The following CCL23 variants were observed in gnomAD, a reference collection of about 807,000 sequenced individuals.
CCL23 encodes the protein C-C motif chemokine ligand 23.
Under a neutral mutation model 11.8 loss-of-function variants are expected in CCL23, and 10 were observed. That is an observed-to-expected ratio of 0.84 (90% confidence interval 0.52 to 1.43). The LOEUF is 1.43. Ranked by LOEUF, CCL23 falls within the 40% of genes most tolerant of loss-of-function variation. CCL23 has a pLI of 0.00. For missense variants in CCL23, 181 were observed against 170.9 expected, an observed-to-expected ratio of 1.06 and a Z score of -0.33; for synonymous variants, 60 against 61.0, an observed-to-expected ratio of 0.98 and a Z score of 0.07.
chr17:36,013,378 C>G (rs2090072265), intron 3 of CCL23, 70 bp from the exon 4 acceptor site: 1 of 881,630 alleles, frequency 1.1e-6, no homozygotes, highest in Non-Finnish European at 1.8e-6. Flanking sequence ...GGGCCCCATT[C>G]TCCCTGCCCC....
At chr17:36,015,438 C>T (rs1254277541) in intron 1 of CCL23, among the ~76,000 whole-genome samples, 3 of 152,060 alleles carry the variant, frequency 2.0e-5, no homozygotes, top group East Asian at 3.8e-4. Flanking sequence ...TTTTGGCTAC[C>T]GTCATCAATA....
intron 1 of CCL23, among the ~76,000 whole-genome samples, chr17:36,015,738 A>G (rs1166124524): frequency 6.6e-6 from 1 of 152,202 alleles, no homozygotes; most frequent in Admixed American, 6.5e-5. Context: ...CACAGAATAA[A>G]GCTAGCCTTA....
At chr17:36,013,655 C>T (rs1281475916) in intron 3 of CCL23, 89 bp downstream of exon 3, 24 of 1,311,196 alleles carry the variant, frequency 1.8e-5, no homozygotes, top group East Asian at 2.3e-5. Context: ...GAGGGTGGGC[C>T]CTGATGGACA....
chr17:36,015,771 T>C (rs143465285), intron 1 of CCL23, among the ~76,000 whole-genome samples: 4,154 of 152,282 alleles, frequency 0.027, 179 homozygotes, highest in African/African-American at 0.092. Context: ...GTGCGGTGGC[T>C]CACGCCTGTA....
At chr17:36,016,093 CTA>C (rs2090095948) in intron 1 of CCL23, among the ~76,000 whole-genome samples, 1 of 150,436 alleles carries the variant, frequency 6.6e-6, no homozygotes, top group Non-Finnish European at 1.5e-5. Flanking sequence ...AATTTAATAA[CTA>C]TTAAATATAT....
chr17:36,014,358 A>G lies in CCL23; in HGVS notation c.112T>C (p.Leu38=), dbSNP rs61737011. The change falls in exon 2 of 4, where the codon TTG becomes CTG. Residue 38 remains leucine, a synonymous_variant. Transcript: ENST00000615050. ...ETEFMMSKLP[L]ENPVLLDMLW... The stretch of plus-strand genomic sequence containing the variant: ...CTGTCCAGAAGTACTGGATTTTCCA[A>G]TGGAAGCTTTGACATCATGAACTCT... 40,925 of 1,613,288 alleles carry G rather than the reference A, an allele frequency of 0.025. 638 individuals carry two copies. Among genetic ancestry groups the G allele is most frequent in the Non-Finnish European group, 0.028 (32,747 of 1,179,190 alleles).
chr17:36,017,035 A>G (rs2090102946), intron 1 of CCL23, among the ~76,000 whole-genome samples: 1 of 151,944 alleles, frequency 6.6e-6, no homozygotes, highest in Non-Finnish European at 1.5e-5. Context: ...GGGTAAGGTA[A>G]AAAAAAGATC....
Position 36,013,814 on chromosome 17 carries a change from G to A in CCL23, c.232C>T (p.Arg78Ter), listed in dbSNP as rs386352289. 1.7e-5 allele frequency: 28 copies of A among 1,614,072 alleles called. No individual in the cohort carries two copies. Among genetic ancestry groups the A allele is most frequent in the Non-Finnish European group, 2.2e-5 (26 of 1,180,018 alleles). Residue 78 changes from arginine (R) to a stop codon, truncating the protein, a stop_gained, in exon 3 of 4, where the codon CGA becomes TGA. Transcript: ENST00000615050. LOFTEE classifies it high-confidence loss of function. Reference sequence around the variant, plus strand: ...TCCAGGAGTGAACACGGGATGCTTCGTGGGGTGTAGGAGATGCAGCAGTCA... The same window carrying A: ...TCCAGGAGTGAACACGGGATGCTTCATGGGGTGTAGGAGATGCAGCAGTCA... ...SADCCISYTPRSIPCSLLESY... is the reference protein window; with the variant it reads ...SADCCISYTP
chr17:36,013,167 G>A lies in CCL23; in HGVS notation c.*30C>T. On this transcript the variant is annotated 3_prime_UTR_variant, in exon 4 of 4. Coordinates refer to ENST00000615050, the MANE Select transcript of CCL23 (RefSeq NM_005064.6). Reference sequence around the variant, plus strand: ...AGTTGAGGCAAGAAAGTTGGTGGCTGGCAACTTGTGTCCCTTCACCTTGAC... The same window carrying A: ...AGTTGAGGCAAGAAAGTTGGTGGCTAGCAACTTGTGTCCCTTCACCTTGAC... The A allele has an allele frequency of 7.3e-7, 1 of 1,365,260 alleles. No homozygotes were observed. Among genetic ancestry groups the A allele is most frequent in the Non-Finnish European group, 1.0e-6 (1 of 953,334 alleles). 84.6% of individuals were successfully genotyped at this position (1,365,260 alleles called of 1,614,324 possible).
At position 36,014,336 on chromosome 17, in the gene CCL23, T is replaced by C. The variant is rs748761477; in HGVS notation, c.134A>G (p.Asp45Gly). Reference sequence around the variant, plus strand: ...ATATGCCGTATCTGATCACTTACTGTCCAGAAGTACTGGATTTTCCAATGG... The same window carrying C: ...ATATGCCGTATCTGATCACTTACTGCCCAGAAGTACTGGATTTTCCAATGG... Reference protein sequence around the residue: ...KLPLENPVLLDMLWRRKIGPQ... With the variant: ...KLPLENPVLLGMLWRRKIGPQ... The change falls in exon 2 of 4, where the codon GAC (aspartate) becomes GGC (glycine). Residue 45 changes from aspartate (D) to glycine (G), a missense_variant and splice_region_variant. Transcript: ENST00000615050. 1.2e-6 allele frequency: 2 copies of C among 1,608,858 alleles called. No individual in the cohort carries two copies. Among genetic ancestry groups the C allele is most frequent in the South Asian group, 2.2e-5 (2 of 90,984 alleles).
chr17:36,013,589 C>T (rs890964561), intron 3 of CCL23, 155 bp downstream of exon 3: 17 of 697,462 alleles, frequency 2.4e-5, no homozygotes, highest in African/African-American at 8.9e-5. Flanking sequence ...GTCTCATCCC[C>T]GATGCCCTGC....
At chr17:36,015,362 T>C (rs1234156495) in intron 1 of CCL23, among the ~76,000 whole-genome samples, 3 of 152,236 alleles carry the variant, frequency 2.0e-5, no homozygotes, top group African/African-American at 7.2e-5. Context: ...ATAGATTCCA[T>C]TGTATGTATG....
At chr17:36,017,717 A>G in intron 1 of CCL23, 105 bp downstream of exon 1, 1 of 1,031,542 alleles carries the variant, frequency 9.7e-7, no homozygotes, top group Non-Finnish European at 1.5e-6. Flanking sequence ...GAGTACCATG[A>G]CCACGTCTGG....
chr17:36,017,379 C>T (rs1383701322), intron 1 of CCL23, among the ~76,000 whole-genome samples: 2 of 152,078 alleles, frequency 1.3e-5, no homozygotes, highest in African/African-American at 4.8e-5. Flanking sequence ...CAAAAAAATA[C>T]GATGGTTAGG....
chr17:36,013,220 G>C lies in CCL23; in HGVS notation c.391C>G (p.Arg131Gly), dbSNP rs202213083. Residue 131 changes from arginine to glycine, a missense_variant, in exon 4 of 4, where the codon CGG becomes GGG. By Grantham distance (125) the Arg-to-Gly change is moderately radical. Coordinates refer to ENST00000615050, the MANE Select transcript of CCL23 (RefSeq NM_005064.6). ...GTTCAATTCTTCCTGGTCTTGATCC[G>C]TGTGTCCAGCTTCAGCATTCTCATG... ...VCMRMLKLDTRIKTRKN is the reference protein window; with the variant it reads ...VCMRMLKLDTGIKTRKN The C allele has an allele frequency of 6.2e-7, 1 of 1,611,742 alleles. No homozygotes were observed. Among genetic ancestry groups the C allele is most frequent in the South Asian group, 1.1e-5 (1 of 91,002 alleles).
rs761784343 is a variant in CCL23 at position 36,013,219 on chromosome 17, C to T, written c.392G>A (p.Arg131Gln). Residue 131 changes from arginine (R) to glutamine (Q), a missense_variant, in exon 4 of 4, where the codon CGG becomes CAG. By Grantham distance (43) the Arg-to-Gln change is conservative. Coordinates refer to ENST00000615050, the MANE Select transcript of CCL23 (RefSeq NM_005064.6). ...VCMRMLKLDTRIKTRKN is the reference protein window; with the variant it reads ...VCMRMLKLDTQIKTRKN ...AGTTCAATTCTTCCTGGTCTTGATCCGTGTGTCCAGCTTCAGCATTCTCAT... is the reference window on the plus strand; with the variant it reads ...AGTTCAATTCTTCCTGGTCTTGATCTGTGTGTCCAGCTTCAGCATTCTCAT... 2.8e-5 allele frequency: 45 copies of T among 1,611,956 alleles called. No individual in the cohort carries two copies. The highest frequency in any genetic ancestry group is 3.3e-5 in the Admixed American group (2 of 59,986).
chr17:36,016,122 TA>T (rs2090096048), intron 1 of CCL23, among the ~76,000 whole-genome samples: 1 of 151,338 alleles, frequency 6.6e-6, no homozygotes, highest in South Asian at 2.1e-4. Context: ...TATAATGTAA[TA>T]ACTATTAAAT....
In CCL23 at chr17:36,017,957, T is replaced by C. The variant is rs537571761; in HGVS notation, c.-60A>G. On this transcript the variant is annotated 5_prime_UTR_variant, in exon 1 of 4. Coordinates refer to ENST00000615050, the MANE Select transcript of CCL23 (RefSeq NM_005064.6). Reference sequence around the variant, plus strand: ...CCTGGGCTCACTGCTTCCTGGCTTCTCGGGATGCCAGTTCTGCCCTTGTAT... The same window carrying C: ...CCTGGGCTCACTGCTTCCTGGCTTCCCGGGATGCCAGTTCTGCCCTTGTAT... 6.3e-5 allele frequency: 99 copies of C among 1,583,638 alleles called. 1 individual carries two copies. Among genetic ancestry groups the C allele is most frequent in the Non-Finnish European group, 8.5e-5 (98 of 1,158,546 alleles).
intron 1 of CCL23, among the ~76,000 whole-genome samples, chr17:36,016,906 T>G (rs530971017): frequency 6.6e-6 from 1 of 152,068 alleles, no homozygotes; most frequent in African/African-American, 2.4e-5. Flanking sequence ...ACGATTCAGC[T>G]GCCGAATTAG....
Sources: allele counts gnomAD v4.1 joint callset (sites outside exome capture counted in the v4.1 genomes callset), GRCh38; gene constraint gnomAD v4.1.1; transcripts MANE v1.5; gene names NCBI Gene and HGNC (gene_info 2026-07-23, HGNC 2026-07-21).